CWF19L1: variants seen among roughly 807,000 people sequenced by gnomAD.
CWF19L1 encodes the protein CWF19 like cell cycle control factor 1, also known as CWF19-like protein 1.
A neutral mutation model predicts 69.7 loss-of-function variants in CWF19L1; 60 were observed. The observed-to-expected ratio is 0.86, with a 90% CI of 0.70 to 1.07. CWF19L1 has a LOEUF of 1.07. CWF19L1 is among the 50% of genes least tolerant of loss of function. The pLI is 0.00. For missense variants in CWF19L1, 591 were observed against 638.9 expected, an observed-to-expected ratio of 0.92 and a Z score of 0.81; for synonymous variants, 209 against 222.2, an observed-to-expected ratio of 0.94 and a Z score of 0.53.
chr10:100,266,190 T>C (rs866078927), intron 1 of CWF19L1, among the ~76,000 whole-genome samples: 939 of 41,150 alleles, frequency 0.023, 14 homozygotes, highest in African/African-American at 0.077. Context: ...ACTATTGCAA[T>C]TTTTTTTTTT....
chr10:100,257,727 A>G (rs962560421), intron 4 of CWF19L1, among the ~76,000 whole-genome samples: 1 of 152,042 alleles, frequency 6.6e-6, no homozygotes, highest in Non-Finnish European at 1.5e-5. Flanking sequence ...AGTTGACAAT[A>G]TCTTTACCTC....
At position 100,259,032 on chromosome 10, in the gene CWF19L1, C is replaced by T. The variant is rs183434345; in HGVS notation, c.289+1186G>A. 2.3e-4 allele frequency among the ~76,000 whole-genome samples: 35 copies of T among 151,786 alleles called. 1 individual carries two copies. The East Asian group carries it at 4.1e-3, about 18-fold the overall frequency. Reference sequence around the variant, plus strand: ...CCTGGCCAACATGGTGAAATCCCGTCTCTACTAAAAATACAAAAATTAGCT... The same window carrying T: ...CCTGGCCAACATGGTGAAATCCCGTTTCTACTAAAAATACAAAAATTAGCT... On this transcript the variant is annotated intron_variant, in intron 4 of 13. Coordinates refer to ENST00000354105, the MANE Select transcript of CWF19L1 (RefSeq NM_018294.6).
chr10:100,256,005 G>A (rs1847200915), intron 5 of CWF19L1, among the ~76,000 whole-genome samples: 1 of 152,096 alleles, frequency 6.6e-6, no homozygotes, highest in South Asian at 2.1e-4. Flanking sequence ...AAGGGCACTT[G>A]AAGCAGAGAA....
chr10:100,235,876 T>C (rs1846418793), intron 12 of CWF19L1, 112 bp from the exon 13 acceptor site: 1 of 742,820 alleles, frequency 1.3e-6, no homozygotes, highest in South Asian at 1.7e-5. Flanking sequence ...AAAAGATATG[T>C]ATGTTGCTAT....
chr10:100,241,904 A>C (rs1185654372), intron 10 of CWF19L1, among the ~76,000 whole-genome samples: 1 of 152,198 alleles, frequency 6.6e-6, no homozygotes, highest in Non-Finnish European at 1.5e-5. Flanking sequence ...ATGACTTATA[A>C]ATATTTTCCT....
At chr10:100,242,286 T>C (rs1035791736) in intron 10 of CWF19L1, among the ~76,000 whole-genome samples, 2 of 152,240 alleles carry the variant, frequency 1.3e-5, no homozygotes, top group African/African-American at 4.8e-5. Context: ...CTGTCATTAG[T>C]AAGCTACACC....
intron 4 of CWF19L1, chr10:100,258,579 T>C (rs948443204): frequency 6.6e-6 from 1 of 152,178 alleles, no homozygotes; most frequent in East Asian, 1.9e-4. Context: ...CAGTGCTCAC[T>C]TCAGCAGCAC....
intron 6 of CWF19L1, among the ~76,000 whole-genome samples, chr10:100,251,340 T>C (rs1589623617): frequency 6.6e-6 from 1 of 152,322 alleles, no homozygotes; most frequent in East Asian, 1.9e-4. Context: ...ACCAGCAATG[T>C]GTGAGGATTC....
Position 100,262,029 on chromosome 10 carries a change from T to C in CWF19L1, c.58A>G (p.Ile20Val), listed in dbSNP as rs1847418368. 1 of 1,611,062 alleles carries C rather than the reference T, an allele frequency of 6.2e-7. No individual in the cohort carries two copies. ...ATTGCTTGAACTCTATTGAATAAAA[T>C]ATCAAACTTTCCTTCAACATCTCCA... The part of the protein sequence containing the change: ...ACGDVEGKFD[I>V]LFNRVQAIQK... Residue 20 changes from isoleucine (I) to valine (V), a missense_variant, in exon 2 of 14, where the codon ATT becomes GTT. Transcript: ENST00000354105.
intron 1 of CWF19L1, among the ~76,000 whole-genome samples, chr10:100,267,106 T>C (rs1037374690): frequency 2.2e-5 from 3 of 134,682 alleles, no homozygotes; most frequent in Non-Finnish European, 3.0e-5. Context: ...ACTTGCTGCA[T>C]GAAGCCCTCT....
intron 7 of CWF19L1, among the ~76,000 whole-genome samples, chr10:100,249,730 G>GC (rs1223077001): frequency 1.3e-5 from 2 of 152,026 alleles, no homozygotes; most frequent in African/African-American, 2.4e-5. Context: ...GATTACAGGT[G>GC]CCCCCCACCA....
At position 100,258,979 on chromosome 10, in the gene CWF19L1, G is replaced by T. The variant is rs556189621; in HGVS notation, c.289+1239C>A. 1.3e-4 allele frequency among the ~76,000 whole-genome samples: 19 copies of T among 151,666 alleles called. No homozygotes were observed. The South Asian group carries it at 3.8e-3, about 30-fold the overall frequency. Reference sequence around the variant, plus strand: ...GCACTTTGGGAGGCTGAGGCAGGCGGGTCACCAGGTCAGGAGATCGAGACC... The same window carrying T: ...GCACTTTGGGAGGCTGAGGCAGGCGTGTCACCAGGTCAGGAGATCGAGACC... On this transcript the variant is annotated intron_variant, in intron 4 of 13. Transcript: ENST00000354105.
At chr10:100,255,402 T>TGGG (rs1281017534) in intron 5 of CWF19L1, among the ~76,000 whole-genome samples, 1 of 151,984 alleles carries the variant, frequency 6.6e-6, no homozygotes, top group Non-Finnish European at 1.5e-5. Flanking sequence ...CCCAGCATTT[T>TGGG]GGGAGGCTGA....
chr10:100,250,502 T>C (rs1430926554), intron 6 of CWF19L1, among the ~76,000 whole-genome samples, 170 bp from the exon 7 acceptor site: 1 of 152,134 alleles, frequency 6.6e-6, no homozygotes, highest in Non-Finnish European at 1.5e-5. Flanking sequence ...AGGGCAACAA[T>C]CCCTACCTCA....
Position 100,256,368 on chromosome 10 carries a change from A to T in CWF19L1, c.398T>A (p.Val133Glu). 1 of 1,614,106 alleles carries T rather than the reference A, an allele frequency of 6.2e-7. No individual in the cohort carries two copies. The highest frequency in any genetic ancestry group is 8.5e-7 in the Non-Finnish European group (1 of 1,179,918). The change falls in exon 5 of 14, where the codon GTG becomes GAG. Residue 133 changes from valine to glutamate, a missense_variant. Val to Glu is a moderately radical substitution (Grantham distance 121). Around this residue, in one of 3 missense-constraint regions of CWF19L1, gnomAD observed 458 missense variants for 489.3 expected, o/e 0.94. Transcript: ENST00000354105. ...VPGYSFSPKD[V>E]SSLRMMLCTT... ...ACACAGCATCATTCTCAGAGAAGAC[A>T]CATCCTTGGGACTAAAACTATAACC... is the stretch of plus-strand genomic sequence containing the variant.
In CWF19L1 at chr10:100,260,299, G is replaced by A; in HGVS notation, c.208C>T (p.Leu70Phe). ...ACTGTTTCCTGGTTATTAGCACCAA[G>A]CACATATGTCTGAATAGGAGCTAGT... ...IKKAPIQTYV[L>F]GANNQETVKY... is the part of the protein sequence containing the mutation. The change falls in exon 4 of 14, where the codon CTT (leucine) becomes TTT (phenylalanine). Residue 70 changes from leucine (L) to phenylalanine (F), a missense_variant. Around this residue, in one of 3 missense-constraint regions of CWF19L1, gnomAD observed 129 missense variants for 131.3 expected, o/e 0.98. Transcript: ENST00000354105. 2 of 1,608,400 alleles carry A rather than the reference G, an allele frequency of 1.2e-6. No homozygotes were observed. The highest frequency in any genetic ancestry group is 1.7e-6 in the Non-Finnish European group (2 of 1,175,102).
chr10:100,238,335 A>G lies in CWF19L1; in HGVS notation c.1045-104T>C, dbSNP rs1589611392. 1.1e-5 allele frequency: 10 copies of G among 927,152 alleles called. No individual in the cohort carries two copies. The East Asian group carries it at 2.5e-4, about 23-fold the overall frequency. 57.4% of individuals were successfully genotyped at this position (927,152 alleles called of 1,614,324 possible). A position where few individuals can be genotyped will look rare whatever the true frequency, so the allele number is the denominator to read the frequency against. On this transcript the variant is annotated intron_variant, in intron 10 of 13. Coordinates refer to ENST00000354105, the MANE Select transcript of CWF19L1 (RefSeq NM_018294.6). ...GAGCCTGAGGGTGTAGGCGAAAAGTACTTGAGGTTATTAATAAAAATTCTT... is the reference window on the plus strand; with the variant it reads ...GAGCCTGAGGGTGTAGGCGAAAAGTGCTTGAGGTTATTAATAAAAATTCTT...
chr10:100,264,395 A>G (rs1462770115), intron 1 of CWF19L1, among the ~76,000 whole-genome samples: 2 of 152,052 alleles, frequency 1.3e-5, no homozygotes, highest in Non-Finnish European at 2.9e-5. Flanking sequence ...AATACAAAAA[A>G]TTAGCCGGGC....
chr10:100,241,543 C>G (rs1212419616), intron 10 of CWF19L1, among the ~76,000 whole-genome samples: 4 of 152,192 alleles, frequency 2.6e-5, no homozygotes, highest in Non-Finnish European at 4.4e-5. Context: ...TCTTCAGAAG[C>G]ACTACACACT....
Sources: gnomAD v4.1 joint callset for allele counts (sites outside exome capture counted in the v4.1 genomes callset) on GRCh38, gnomAD v4.1.1 for gene constraint, gnomAD v4.1.1 regional missense constraint, MANE v1.5 for transcripts, NCBI Gene and HGNC (gene_info 2026-07-23, HGNC 2026-07-21) for gene names.